The following PARD3B variants were observed in gnomAD, a reference collection of about 807,000 sequenced individuals.
PARD3B encodes the protein partitioning defective 3 homolog B.
A neutral mutation model predicts 130.2 loss-of-function variants in PARD3B; 103 were observed. That is an observed-to-expected ratio of 0.79 (90% confidence interval 0.67 to 0.93). The LOEUF is 0.93. Ranked by LOEUF, PARD3B falls within the 40% of genes least tolerant of loss-of-function variation. The pLI is 0.00. For missense variants in PARD3B, 1,609 were observed against 1,499.2 expected (o/e 1.07, Z -1.21); for synonymous variants, 583 against 553.2 (o/e 1.05, Z -0.76).
intron 15 of PARD3B, among the ~76,000 whole-genome samples, chr2:205,231,895 G>C (rs182021315): frequency 6.6e-6 from 1 of 152,178 alleles, no homozygotes; most frequent in African/African-American, 2.4e-5. Flanking sequence ...GAACTACCAA[G>C]GCTAGGCCAA....
At chr2:205,489,987 T>C (rs2049629932) in intron 20 of PARD3B, among the ~76,000 whole-genome samples, 1 of 152,136 alleles carries the variant, frequency 6.6e-6, no homozygotes, top group African/African-American at 2.4e-5. Context: ...CAACAATCAA[T>C]CACATAGGAG....
chr2:205,300,774 C>T lies in PARD3B; in HGVS notation c.2392+38C>T. On this transcript the variant is annotated intron_variant, in intron 17 of 22. Transcript: ENST00000406610. The surrounding 1 kb of genome is among the most constrained non-coding windows in gnomAD (Gnocchi z 4.1). The stretch of plus-strand genomic sequence containing the variant: ...GCTTCCTTAAATGGCTTCTTCATCT[C>T]ATTATTATCTGCAAATCATGGGCAA... The T allele has an allele frequency of 1.3e-6, 2 of 1,568,544 alleles. No individual in the cohort carries two copies. The highest frequency in any genetic ancestry group is 8.7e-7 in the Non-Finnish European group (1 of 1,144,322).
chr2:205,096,793 G>A (rs1316962562), intron 4 of PARD3B, among the ~76,000 whole-genome samples: 1 of 152,110 alleles, frequency 6.6e-6, no homozygotes, highest in Non-Finnish European at 1.5e-5. Context: ...GAATATTTAT[G>A]ATCTAATCGT....
chr2:204,603,675 A>G (rs950742481), intron 1 of PARD3B, among the ~76,000 whole-genome samples: 1 of 152,166 alleles, frequency 6.6e-6, no homozygotes, highest in African/African-American at 2.4e-5. Context: ...TTTACAGACC[A>G]CACTTGATCA....
At chr2:204,640,415 G>A (rs892317836) in intron 1 of PARD3B, among the ~76,000 whole-genome samples, 1 of 145,922 alleles carries the variant, frequency 6.9e-6, no homozygotes, top group African/African-American at 2.8e-5. Flanking sequence ...GGACAATGGG[G>A]GAGAGCAGTC....
Position 205,482,612 on chromosome 2 carries a change from G to A in PARD3B, c.3045-17284G>A, listed in dbSNP as rs2049283652. 3 of 152,556 alleles carry A rather than the reference G, an allele frequency of 2.0e-5. No individual in the cohort carries two copies. In the South Asian group the frequency reaches 6.2e-4, roughly 32 times the overall value. The allele number at this position is 152,556 out of a possible 1,614,324, so 9.5% of individuals were successfully genotyped here. A position where few individuals can be genotyped will look rare whatever the true frequency, so the allele number is the denominator to read the frequency against. ...AACATCTTTGGGGCCTCCCCAGGCG[G>A]GGGTGGGGGGCATTGTATATCCACA... On this transcript the variant is annotated intron_variant, in intron 20 of 22. Coordinates refer to ENST00000406610, the MANE Select transcript of PARD3B (RefSeq NM_001302769.2).
chr2:204,672,540 A>G (rs1013981523), intron 1 of PARD3B, among the ~76,000 whole-genome samples: 1 of 152,252 alleles, frequency 6.6e-6, no homozygotes, highest in Non-Finnish European at 1.5e-5. Context: ...AAAAATTGCT[A>G]TAAATTTTAA....
intron 10 of PARD3B, among the ~76,000 whole-genome samples, chr2:205,148,326 A>T (rs761105793): frequency 6.6e-6 from 1 of 152,126 alleles, no homozygotes; most frequent in Non-Finnish European, 1.5e-5. Context: ...TTTCTTTGAC[A>T]TGTGCCTGCT....
chr2:205,573,531 G>T (rs910734675), intron 22 of PARD3B, among the ~76,000 whole-genome samples: 1 of 152,158 alleles, frequency 6.6e-6, no homozygotes, highest in African/African-American at 2.4e-5. Flanking sequence ...AAGTATGTAT[G>T]AAAAGGAAAC....
rs1282786074 is a variant in PARD3B at position 205,176,973 on chromosome 2, T to A, written c.1924+396T>A. On this transcript the variant is annotated intron_variant, in intron 13 of 22. Coordinates refer to ENST00000406610, the MANE Select transcript of PARD3B (RefSeq NM_001302769.2). The surrounding 1 kb of genome is among the most constrained non-coding windows in gnomAD (Gnocchi z 5.3). Reference sequence around the variant, plus strand: ...AATCCATAAAATGGTCATAGCGTGATTCACAGATGATCCTCGATTCTAATA... The same window carrying A: ...AATCCATAAAATGGTCATAGCGTGAATCACAGATGATCCTCGATTCTAATA... Among the ~76,000 whole-genome samples, 2 of 152,220 alleles carry A rather than the reference T, an allele frequency of 1.3e-5. No homozygotes were observed. Among genetic ancestry groups the A allele is most frequent in the Admixed American group, 6.5e-5 (1 of 15,288 alleles).
intron 21 of PARD3B, among the ~76,000 whole-genome samples, chr2:205,508,173 A>G (rs1304442988): frequency 1.3e-5 from 2 of 152,192 alleles, no homozygotes; most frequent in African/African-American, 4.8e-5. Flanking sequence ...CTTTACATAG[A>G]GTTGCTCTGT....
At chr2:204,680,568 G>A (rs1284557936) in intron 1 of PARD3B, among the ~76,000 whole-genome samples, 1 of 151,370 alleles carries the variant, frequency 6.6e-6, no homozygotes, top group African/African-American at 2.4e-5. Flanking sequence ...TTTCTTCACT[G>A]TGTCTTTGGA....
chr2:205,495,033 C>T (rs964851040), intron 20 of PARD3B, among the ~76,000 whole-genome samples: 17 of 152,238 alleles, frequency 1.1e-4, no homozygotes, highest in African/African-American at 3.9e-4. Context: ...CACAGATGAA[C>T]ACTCATTTTA....
rs2052587582 is a variant in PARD3B, at chr2:205,550,853, T to C, written c.3181-2471T>C. ...TTTATGTATATTTGAATATTTTATA[T>C]GTATATTTGTATGTATATATGTATA... On this transcript the variant is annotated intron_variant, in intron 21 of 22. Transcript: ENST00000406610. The surrounding 1 kb of genome is among the most constrained non-coding windows in gnomAD (Gnocchi z 4.5). Among the ~76,000 whole-genome samples the C allele has an allele frequency of 6.8e-6, 1 of 147,536 alleles. No individual in the cohort carries two copies. Among genetic ancestry groups the C allele is most frequent in the South Asian group, 2.1e-4 (1 of 4,780 alleles).
rs2036508215 is a variant in PARD3B, at chr2:204,675,799, A to G, written c.121-10382A>G. Among the ~76,000 whole-genome samples, 1 of 152,188 alleles carries G rather than the reference A, an allele frequency of 6.6e-6. No individual in the cohort carries two copies. The highest frequency in any genetic ancestry group is 2.4e-5 in the African/African-American group (1 of 41,460). ...TGTCTCAATACTTAAATATTTTTCT[A>G]TTTGAAAAAGGGAATAAGTAATATT... On this transcript the variant is annotated intron_variant, in intron 1 of 22. Coordinates refer to ENST00000406610, the MANE Select transcript of PARD3B (RefSeq NM_001302769.2). The surrounding 1 kb of genome is among the most constrained non-coding windows in gnomAD (Gnocchi z 4.4).
chr2:205,559,730 C>T (rs2053059234), intron 22 of PARD3B, among the ~76,000 whole-genome samples: 1 of 151,734 alleles, frequency 6.6e-6, no homozygotes, highest in African/African-American at 2.4e-5. Context: ...TCCCAAGTAG[C>T]TAGGATTACA....
intron 2 of PARD3B, among the ~76,000 whole-genome samples, chr2:204,753,414 C>G (rs1173516908): frequency 6.6e-6 from 1 of 152,050 alleles, no homozygotes; most frequent in Non-Finnish European, 1.5e-5. Flanking sequence ...GATCTTATAG[C>G]TAAAAATACT....
intron 3 of PARD3B, among the ~76,000 whole-genome samples, chr2:204,999,431 A>G (rs1027874034): frequency 1.3e-5 from 2 of 152,180 alleles, no homozygotes; most frequent in Admixed American, 6.5e-5. Context: ...ACCTTTTTCT[A>G]TGAGTCTCAC....
chr2:205,041,268 A>G (rs1262134395), intron 3 of PARD3B, among the ~76,000 whole-genome samples: 2 of 152,170 alleles, frequency 1.3e-5, no homozygotes, highest in Non-Finnish European at 2.9e-5. Context: ...TTTCTCACGC[A>G]TATCAAGACA....
Sources: gnomAD v4.1 joint callset for allele counts (sites outside exome capture counted in the v4.1 genomes callset) on GRCh38, gnomAD v4.1.1 for gene constraint, Gnocchi (gnomAD v3.1) non-coding constraint, MANE v1.5 for transcripts, NCBI Gene and HGNC (gene_info 2026-07-23, HGNC 2026-07-21) for gene names.